Variants in DMD observed in about 807,000 individuals in gnomAD.
DMD encodes the protein mutant dystrophin.
A neutral mutation model predicts 330.1 loss-of-function variants in DMD; 63 were observed. That is an observed-to-expected ratio of 0.19 (90% CI 0.16 to 0.24). The LOEUF is 0.24. DMD is among the 10% of genes least tolerant of loss of function. DMD has a pLI of 1.00. For missense variants in DMD, 3,344 were observed against 2,684.1 expected (o/e 1.25, Z -5.43); for synonymous variants, 1,223 against 959.8 (o/e 1.27, Z -5.07).
chrX:32,943,594 T>C (rs2090580378), intron 2 of DMD, among the ~76,000 whole-genome samples: 1 of 111,351 alleles, frequency 9.0e-6, no homozygotes, highest in African/African-American at 3.3e-5. Flanking sequence ...TGTTTCCATT[T>C]TTCACTGTAA....
chrX:31,887,058 C>A (rs2094165104), intron 47 of DMD, among the ~76,000 whole-genome samples: 1 of 111,465 alleles, frequency 9.0e-6, no homozygotes, highest in African/African-American at 3.3e-5. Context: ...AAATGGTAAC[C>A]AAGCTAGGAT....
chrX:32,143,019 C>T (rs1180511661), intron 44 of DMD, among the ~76,000 whole-genome samples: 1 of 110,871 alleles, frequency 9.0e-6, no homozygotes, highest in African/African-American at 3.3e-5. Flanking sequence ...TTTGCATACA[C>T]TGTTTGGAAT....
At chrX:32,595,448 T>TGTCTG (rs1433860766) in intron 13 of DMD, among the ~76,000 whole-genome samples, 1 of 111,413 alleles carries the variant, frequency 9.0e-6, no homozygotes, top group African/African-American at 3.3e-5. Context: ...CTTAGAAAAA[T>TGTCTG]GTCTGCATTT....
intron 30 of DMD, among the ~76,000 whole-genome samples, chrX:32,394,795 G>A (rs1317957153): frequency 3.7e-5 from 4 of 108,439 alleles, no homozygotes; most frequent in Non-Finnish European, 5.7e-5. Flanking sequence ...CTGTGTACAT[G>A]TATTTAAAAG....
At chrX:32,655,673 A>T (rs2060512583) in intron 9 of DMD, among the ~76,000 whole-genome samples, 1 of 111,741 alleles carries the variant, frequency 8.9e-6, no homozygotes, top group Non-Finnish European at 1.9e-5. Context: ...TGCAGAGCTG[A>T]GTTCAATTCT....
At chrX:32,747,666 A>C (rs1311377488) in intron 7 of DMD, among the ~76,000 whole-genome samples, 1 of 110,326 alleles carries the variant, frequency 9.1e-6, no homozygotes, top group Non-Finnish European at 1.9e-5. Context: ...TTTTTTTTTA[A>C]GTATTTTTTG....
intron 18 of DMD, chrX:32,516,766 T>C (rs170605): frequency 0.24 from 27,148 of 110,872 alleles, 2,547 homozygotes; most frequent in African/African-American, 0.31. Flanking sequence ...GCAAACAATT[T>C]ACCTTCAAAG....
At chrX:32,952,902 A>C (rs896549463) in intron 2 of DMD, among the ~76,000 whole-genome samples, 4 of 110,450 alleles carry the variant, frequency 3.6e-5, no homozygotes, top group African/African-American at 6.6e-5. Context: ...TGGAAGGCCA[A>C]GACGGGCAGA....
At chrX:32,968,604 T>G (rs980756897) in intron 2 of DMD, among the ~76,000 whole-genome samples, 1 of 111,827 alleles carries the variant, frequency 8.9e-6, no homozygotes, top group Non-Finnish European at 1.9e-5. Flanking sequence ...AATGTTTGTG[T>G]CCACCCAAAA....
At chrX:32,074,982 T>C (rs1188537556) in intron 44 of DMD, among the ~76,000 whole-genome samples, 2 of 111,119 alleles carry the variant, frequency 1.8e-5, no homozygotes, top group Admixed American at 1.9e-4. Context: ...ATTCTCATGC[T>C]CTCCTGAAGT....
intron 2 of DMD, among the ~76,000 whole-genome samples, chrX:33,005,275 A>AACACACACAC (rs376666672): frequency 0.36 from 37,105 of 102,137 alleles, 5,690 homozygotes; most frequent in Non-Finnish European, 0.45. Flanking sequence ...CACACACACA[A>AACACACACAC]ACACACACAC....
chrX:33,132,564 G>C (rs753097273), intron 1 of DMD, among the ~76,000 whole-genome samples: 1 of 112,307 alleles, frequency 8.9e-6, no homozygotes, highest in Non-Finnish European at 1.9e-5. Context: ...GCAGTCCTGC[G>C]GACAACAAAG....
chrX:32,472,458 G>A (rs1031520388), intron 21 of DMD, 149 bp from the exon 22 acceptor site: 2 of 552,722 alleles, frequency 3.6e-6, no homozygotes, highest in Non-Finnish European at 5.8e-6. Context: ...ATATGATTAT[G>A]AAGATACATT....
At chrX:32,076,946 G>T (rs1049721865) in intron 44 of DMD, among the ~76,000 whole-genome samples, 1 of 111,630 alleles carries the variant, frequency 9.0e-6, no homozygotes, top group African/African-American at 3.3e-5. Context: ...AAAGCTATAG[G>T]CTTGATGATA....
chrX:32,603,138 T>C (rs1172295070), intron 12 of DMD, among the ~76,000 whole-genome samples: 2 of 110,857 alleles, frequency 1.8e-5, no homozygotes, highest in Non-Finnish European at 3.8e-5. Flanking sequence ...TTAACACATT[T>C]TTAAAAAAAT....
rs1569523653 is a variant in DMD, at chrX:31,310,189, CT to C, written c.9224+13408del. Reference sequence around the variant, plus strand: ...CCTCTTCGTTGTCCTCTCTCTCTCTCTCTCTCTCTCTCTCTCCATATATATA... The same window carrying C: ...CCTCTTCGTTGTCCTCTCTCTCTCTCCTCTCTCTCTCTCTCCATATATATA... On this transcript the variant is annotated intron_variant, in intron 62 of 78. Coordinates refer to ENST00000357033, the MANE Select transcript of DMD (RefSeq NM_004006.3). 4.3e-4 allele frequency among the ~76,000 whole-genome samples: 31 copies of C among 72,230 alleles called. 1 individual carries two copies. In the South Asian group the frequency reaches 0.015, roughly 36 times the overall value. 62.7% of individuals were successfully genotyped at this position (72,230 alleles called of 115,157 possible).
intron 2 of DMD, among the ~76,000 whole-genome samples, chrX:32,867,556 A>G (rs1282943857): frequency 8.9e-6 from 1 of 112,296 alleles, no homozygotes; most frequent in Non-Finnish European, 1.9e-5. Flanking sequence ...CAAGAGCTTT[A>G]TTACATAACT....
chrX:31,510,370 C>T (rs2071367775), intron 55 of DMD, among the ~76,000 whole-genome samples: 1 of 110,955 alleles, frequency 9.0e-6, no homozygotes, highest in South Asian at 3.8e-4. Flanking sequence ...TGAACCTGAA[C>T]GAAGATACTA....
At chrX:32,693,683 C>G (rs1180495992) in intron 9 of DMD, among the ~76,000 whole-genome samples, 1 of 111,956 alleles carries the variant, frequency 8.9e-6, no homozygotes, top group Non-Finnish European at 1.9e-5. Flanking sequence ...CAAGTGATCT[C>G]CCCGCGTCAT....
Sources: allele counts gnomAD v4.1 joint callset (sites outside exome capture counted in the v4.1 genomes callset), GRCh38; gene constraint gnomAD v4.1.1; transcripts MANE v1.5; gene names NCBI Gene and HGNC (gene_info 2026-07-23, HGNC 2026-07-21).